The following EIF3L variants were observed in gnomAD, a reference collection of about 807,000 sequenced individuals.
The protein encoded by EIF3L is eukaryotic translation initiation factor 3 subunit L.
Under a neutral mutation model 74.6 loss-of-function variants are expected in EIF3L, and 32 were observed. The observed-to-expected ratio is 0.43, with a 90% CI of 0.32 to 0.58. The LOEUF (loss-of-function observed/expected upper bound fraction) is 0.58, where lower values mean the gene tolerates loss of function less well. Ranked by LOEUF, EIF3L falls within the 20% of genes least tolerant of loss-of-function variation. The pLI is 0.06. For synonymous variants in EIF3L, 256 were observed against 254.4 expected (o/e 1.01, Z -0.06); for missense variants, 474 against 707.8 (o/e 0.67, Z 3.75).
chr22:37,857,369 CAAAAAAAAAA>C (rs375301957), intron 4 of EIF3L, among the ~76,000 whole-genome samples: 1 of 58,250 alleles, frequency 1.7e-5, no homozygotes, highest in African/African-American at 7.4e-5. Context: ...GACTGCGTCC[CAAAAAAAAAA>C]AAAAAAAAAA....
intron 5 of EIF3L, among the ~76,000 whole-genome samples, chr22:37,859,517 G>T (rs986239412): frequency 1.3e-5 from 2 of 151,352 alleles, no homozygotes; most frequent in Non-Finnish European, 2.9e-5. Context: ...GAGTAGCTGG[G>T]ATTGCAGGTG....
intron 8 of EIF3L, among the ~76,000 whole-genome samples, chr22:37,870,746 C>A (rs757710352): frequency 2.0e-5 from 3 of 151,580 alleles, no homozygotes; most frequent in Non-Finnish European, 4.4e-5. Context: ...TTTTGCAGAT[C>A]TCTCTGTCTG....
intron 3 of EIF3L, among the ~76,000 whole-genome samples, chr22:37,855,303 A>G (rs778262258): frequency 2.6e-5 from 4 of 152,216 alleles, no homozygotes; most frequent in African/African-American, 4.8e-5. Context: ...AAATATGGCT[A>G]TAGTTAATGA....
At chr22:37,864,381 G>T (rs545833249) in intron 7 of EIF3L, among the ~76,000 whole-genome samples, 2 of 152,072 alleles carry the variant, frequency 1.3e-5, no homozygotes, top group Non-Finnish European at 1.5e-5. Flanking sequence ...GTGTATGCTC[G>T]ATCAGAATAC....
chr22:37,850,565 C>G lies in EIF3L; in HGVS notation c.82+502C>G, dbSNP rs964277396. ...TGTTGTCCAGGCTGGTCTTGAACTC[C>G]TGACCTCAGGTGATCCACCCGCCCC... On this transcript the variant is annotated intron_variant, in intron 2 of 12. Transcript: ENST00000652021. 5 of 192,392 alleles carry G rather than the reference C, an allele frequency of 2.6e-5. No homozygotes were observed. The Admixed American group carries it at 2.8e-4, about 11-fold the overall frequency. The allele number at this position is 192,392 out of a possible 1,614,324, so 11.9% of individuals were successfully genotyped here. A position where few individuals can be genotyped will look rare whatever the true frequency, so the allele number is the denominator to read the frequency against.
intron 7 of EIF3L, among the ~76,000 whole-genome samples, chr22:37,866,429 T>C (rs890024860): frequency 6.6e-6 from 1 of 152,180 alleles, no homozygotes; most frequent in African/African-American, 2.4e-5. Flanking sequence ...GAAGTAGAAT[T>C]GTGGATTGAA....
rs754415181 is a variant in EIF3L, at chr22:37,888,498, T to C, written c.*34T>C. 9 of 1,610,358 alleles carry C rather than the reference T, an allele frequency of 5.6e-6. No homozygotes were observed. The highest frequency in any genetic ancestry group is 6.8e-6 in the Non-Finnish European group (8 of 1,177,994). ...ACACACATTCAGGAACCTGTTTTGA[T>C]GTATTATAGGCAGGAAGTGTTTTTG... On this transcript the variant is annotated 3_prime_UTR_variant, in exon 13 of 13. Transcript: ENST00000652021.
At position 37,858,219 on chromosome 22, in the gene EIF3L, C is replaced by CTTTTTTTTTT. The variant is rs549425262; in HGVS notation, c.374-444_374-435dup. On this transcript the variant is annotated intron_variant, in intron 4 of 12. Transcript: ENST00000652021. The stretch of plus-strand genomic sequence containing the variant: ...TCTGAAATTAATATTTTCTTTCTTC[C>CTTTTTTTTTT]TTTTTTTTTTTTTTTTTTTTTTTTT... Among the ~76,000 whole-genome samples the CTTTTTTTTTT allele has an allele frequency of 4.8e-4, 41 of 85,098 alleles. 1 individual carries two copies. The highest frequency in any genetic ancestry group is 1.1e-3 in the African/African-American group (22 of 20,568). 55.8% of individuals were successfully genotyped at this position (85,098 alleles called of 152,430 possible). A position where few individuals can be genotyped will look rare whatever the true frequency, so the allele number is the denominator to read the frequency against.
chr22:37,875,753 C>G (rs759736542), intron 9 of EIF3L, 88 bp from the exon 10 acceptor site: 1 of 1,343,382 alleles, frequency 7.4e-7, no homozygotes, highest in Non-Finnish European at 1.0e-6. Context: ...TTGAGGGCCT[C>G]TGCAGGGAAA....
chr22:37,883,485 G>A (rs1927166498), intron 11 of EIF3L: 2 of 151,964 alleles, frequency 1.3e-5, no homozygotes, highest in Non-Finnish European at 2.9e-5. Flanking sequence ...GGAGGCTGAG[G>A]CAGGAGAATG....
At chr22:37,888,160 C>G (rs1382296154) in intron 12 of EIF3L, 2 of 401,724 alleles carry the variant, frequency 5.0e-6, no homozygotes, top group Admixed American at 8.7e-5. Context: ...TCTGGCCAGT[C>G]TGAATCCTTT....
In EIF3L at chr22:37,875,913, C is replaced by G. The variant is rs1205899248; in HGVS notation, c.979C>G (p.Arg327Gly). 1.9e-6 allele frequency: 3 copies of G among 1,614,008 alleles called. No homozygotes were observed. The change falls in exon 10 of 13, where the codon CGT becomes GGT. Residue 327 changes from arginine (R) to glycine (G), a missense_variant. By Grantham distance (125) the Arg-to-Gly change is moderately radical. This residue lies in a region of EIF3L where 293 missense variants were observed against 469.1 expected (regional missense o/e 0.62). Transcript: ENST00000652021. ...TGTTGGGTTTGCATATTTGATGATG[C>G]GTCGTTACCAGGATGCCATCCGGGT... ...YYVGFAYLMM[R>G]RYQDAIRVFA...
rs560461057 is a variant in EIF3L at position 37,859,322 on chromosome 22, C to T, written c.435+582C>T. On this transcript the variant is annotated intron_variant, in intron 5 of 12. Coordinates refer to ENST00000652021, the MANE Select transcript of EIF3L (RefSeq NM_016091.4). ...CTACACATTATCCCAACTTTGAGCA[C>T]TTGCTAGATTCTGTTCTTCCCGACT... 7.6e-4 allele frequency among the ~76,000 whole-genome samples: 112 copies of T among 146,886 alleles called. 1 individual carries two copies. Among genetic ancestry groups the T allele is most frequent in the African/African-American group, 2.7e-3 (105 of 39,390 alleles).
intron 11 of EIF3L, chr22:37,882,593 C>G (rs899748187): frequency 1.3e-5 from 2 of 152,106 alleles, no homozygotes; most frequent in South Asian, 2.1e-4. Context: ...ACGAGAATCA[C>G]CTGAACCTGG....
At chr22:37,871,502 T>G (rs556473410) in intron 8 of EIF3L, among the ~76,000 whole-genome samples, 1 of 152,302 alleles carries the variant, frequency 6.6e-6, no homozygotes, top group African/African-American at 2.4e-5. Flanking sequence ...TAAAGTTACT[T>G]TCAGGCTGTG....
intron 11 of EIF3L, 107 bp from the exon 12 acceptor site, chr22:37,886,658 T>G: frequency 1.2e-6 from 1 of 840,840 alleles, no homozygotes; most frequent in Admixed American, 2.3e-5. Context: ...CACCTTTACA[T>G]CTAACACTCA....
chr22:37,851,689 G>A (rs79451542), intron 3 of EIF3L, 199 bp downstream of exon 3: 12,467 of 484,282 alleles, frequency 0.026, 255 homozygotes, highest in South Asian at 0.039. Context: ...TTTTTGAAAC[G>A]GAGTGTCACT....
intron 5 of EIF3L, 114 bp downstream of exon 5, chr22:37,858,854 T>C (rs1301209256): frequency 4.1e-6 from 4 of 975,608 alleles, no homozygotes; most frequent in African/African-American, 3.3e-5. Context: ...TGGGCATGAT[T>C]GGCATGTTTT....
At chr22:37,876,919 G>T (rs538017130) in intron 10 of EIF3L, 1 of 152,318 alleles carries the variant, frequency 6.6e-6, no homozygotes, top group Admixed American at 6.5e-5. Flanking sequence ...ACAATAAACT[G>T]TTCTGGCTGG....
Sources: gnomAD v4.1 joint callset for allele counts (sites outside exome capture counted in the v4.1 genomes callset) on GRCh38, gnomAD v4.1.1 for gene constraint, gnomAD v4.1.1 regional missense constraint, MANE v1.5 for transcripts, NCBI Gene and HGNC (gene_info 2026-07-23, HGNC 2026-07-21) for gene names.